The following PLEKHS1 variants were observed in gnomAD, a reference collection of about 807,000 sequenced individuals.
PLEKHS1 encodes pleckstrin homology domain-containing family S member 1.
In PLEKHS1, 55 loss-of-function variants were observed where a neutral mutation model predicts 51.0. The observed-to-expected ratio is 1.08, with a 90% CI of 0.87 to 1.35. The LOEUF is 1.35. PLEKHS1 is among the 40% of genes most tolerant of loss of function. PLEKHS1 has a pLI of 0.00. For missense variants in PLEKHS1, 398 were observed against 423.0 expected (o/e 0.94, Z 0.52); for synonymous variants, 153 against 144.8 (o/e 1.06, Z -0.41).
At chr10:113,757,010 G>A (rs1182451681) in intron 2 of PLEKHS1, among the ~76,000 whole-genome samples, 5 of 141,288 alleles carry the variant, frequency 3.5e-5, no homozygotes, top group Admixed American at 7.9e-5. Context: ...TCTGCCTCCC[G>A]GGTTCAAGCA....
chr10:113,762,420 C>T (rs1432216599), intron 2 of PLEKHS1, among the ~76,000 whole-genome samples: 10 of 116,080 alleles, frequency 8.6e-5, no homozygotes, highest in Non-Finnish European at 1.0e-4. Context: ...CAGGTGGAAG[C>T]TGAGGTAATT....
In PLEKHS1 at chr10:113,770,166, C is replaced by G. The variant is rs140722702; in HGVS notation, c.552+266C>G. 2.7e-4 allele frequency among the ~76,000 whole-genome samples: 41 copies of G among 152,266 alleles called. No homozygotes were observed. The East Asian group carries it at 5.8e-3, about 22-fold the overall frequency. ...GCTAGGGTAAGACCCCTTTGCTAAA[C>G]CAAAACCTAGCTGGCAACTTGCTTC... On this transcript the variant is annotated intron_variant, in intron 7 of 11. Coordinates refer to ENST00000361048, the Ensembl canonical transcript of PLEKHS1.
intron 4 of PLEKHS1, 91 bp from the exon 5 acceptor site, chr10:113,767,254 A>C: frequency 2.0e-6 from 2 of 992,916 alleles, no homozygotes; most frequent in African/African-American, 1.7e-5. Context: ...AGCACATCTA[A>C]AGTTTTATTC....
Position 113,768,800 on chromosome 10 carries a change from T to C in PLEKHS1, c.360-15T>C. The C allele has an allele frequency of 6.2e-7, 1 of 1,608,308 alleles. No individual in the cohort carries two copies. The highest frequency in any genetic ancestry group is 8.5e-7 in the Non-Finnish European group (1 of 1,177,316). On this transcript the variant is annotated splice_polypyrimidine_tract_variant and intron_variant, in intron 5 of 11. Transcript: ENST00000361048. ...TGTTGCCACATGCCAACTGAAAGTT[T>C]ATTCCTGTCAACAGGGAGAAGATTA...
intron 2 of PLEKHS1, among the ~76,000 whole-genome samples, chr10:113,761,186 G>C (rs1843910639): frequency 6.6e-6 from 1 of 152,128 alleles, no homozygotes; most frequent in Admixed American, 6.6e-5. Context: ...GATTATTGTA[G>C]CTTTGTAGTA....
exon 4 of PLEKHS1, chr10:113,766,690 C>T (rs1242669681): frequency 6.2e-7 from 1 of 1,611,602 alleles, no homozygotes. Context: ...TAAAGACCAT[C>T]ATCACCGAGG....
In PLEKHS1 at chr10:113,769,913, A is replaced by G; in HGVS notation, c.552+13A>G. On this transcript the variant is annotated intron_variant, in intron 7 of 11. Coordinates refer to ENST00000361048, the Ensembl canonical transcript of PLEKHS1. ...TCTCCAAGACAAGGTAATGGGGCTC[A>G]CTTCTTTCTCAGGACACCACACCTG... The G allele has an allele frequency of 1.3e-6, 2 of 1,581,662 alleles. No individual in the cohort carries two copies. Among genetic ancestry groups the G allele is most frequent in the Non-Finnish European group, 1.7e-6 (2 of 1,150,566 alleles).
At chr10:113,765,892 G>A (rs917950352) in intron 2 of PLEKHS1, among the ~76,000 whole-genome samples, 4 of 152,150 alleles carry the variant, frequency 2.6e-5, no homozygotes, top group Admixed American at 1.3e-4. Flanking sequence ...TTAAGATTTG[G>A]TAATACAGTA....
At chr10:113,767,519 A>C in intron 5 of PLEKHS1, 40 bp downstream of exon 5, 1 of 1,559,876 alleles carries the variant, frequency 6.4e-7, no homozygotes, top group Non-Finnish European at 8.7e-7. Context: ...TACTGCATGC[A>C]AAACAAAAAC....
At chr10:113,769,000 G>A (rs1844284667) in intron 6 of PLEKHS1, 110 bp downstream of exon 6, 1 of 662,154 alleles carries the variant, frequency 1.5e-6, no homozygotes, top group Non-Finnish European at 2.4e-6. Flanking sequence ...TTAATACAAG[G>A]AATAAATAAA....
intron 2 of PLEKHS1, among the ~76,000 whole-genome samples, chr10:113,760,114 A>C (rs1233359804): frequency 6.6e-6 from 1 of 152,236 alleles, no homozygotes; most frequent in Non-Finnish European, 1.5e-5. Context: ...ATGCAGTATG[A>C]ACACTTTCTG....
rs557043653 is a variant in PLEKHS1, at chr10:113,767,579, G to A, written c.359+100G>A. The A allele has an allele frequency of 2.4e-4, 275 of 1,136,082 alleles. 1 individual carries two copies. The African/African-American group carries it at 3.4e-3, about 14-fold the overall frequency. 70.4% of individuals were successfully genotyped at this position (1,136,082 alleles called of 1,614,324 possible). On this transcript the variant is annotated intron_variant, in intron 5 of 11. Coordinates refer to ENST00000361048, the Ensembl canonical transcript of PLEKHS1. ...ACCAATAAACATGTTCTGAACCCAC[G>A]CTACAAACCTCAAATGCCATCTTGG...
intron 2 of PLEKHS1, among the ~76,000 whole-genome samples, chr10:113,766,149 C>T (rs776013251): frequency 1.1e-4 from 16 of 152,164 alleles, no homozygotes; most frequent in African/African-American, 1.9e-4. Flanking sequence ...AGAGAGCCAA[C>T]GACATACTCT....
At chr10:113,767,574 C>A (rs1053770731) in intron 5 of PLEKHS1, 95 bp downstream of exon 5, 4 of 1,211,834 alleles carry the variant, frequency 3.3e-6, no homozygotes, top group African/African-American at 3.1e-5. Context: ...ATGTTCTGAA[C>A]CCACGCTACA....
intron 7 of PLEKHS1, among the ~76,000 whole-genome samples, chr10:113,770,403 T>C (rs1032327533): frequency 6.6e-6 from 1 of 152,266 alleles, no homozygotes; most frequent in African/African-American, 2.4e-5. Context: ...ACATAAAATA[T>C]AATGTACCTG....
chr10:113,780,649 T>C (rs777933095), exon 12 of PLEKHS1: 1 of 1,613,988 alleles, frequency 6.2e-7, no homozygotes, highest in Non-Finnish European at 8.5e-7. Context: ...AGACATTCCA[T>C]GCTGCATCCT....
At chr10:113,767,304 G>A (rs142162556) in intron 4 of PLEKHS1, 41 bp from the exon 5 acceptor site, 2 of 1,444,320 alleles carry the variant, frequency 1.4e-6, no homozygotes, top group Non-Finnish European at 1.9e-6. Context: ...TTCTATTTCT[G>A]TATTTACCTT....
chr10:113,756,247 C>T (rs918277604), intron 2 of PLEKHS1, among the ~76,000 whole-genome samples: 2 of 152,152 alleles, frequency 1.3e-5, no homozygotes, highest in African/African-American at 4.8e-5. Flanking sequence ...AGGTGGATCA[C>T]TTGAGATCAG....
intron 2 of PLEKHS1, among the ~76,000 whole-genome samples, chr10:113,757,890 A>G (rs1384682896): frequency 6.6e-6 from 1 of 152,266 alleles, no homozygotes; most frequent in African/African-American, 2.4e-5. Flanking sequence ...ATTCCATCTC[A>G]AGAAAACACT....
Sources: gnomAD v4.1 joint callset for allele counts (sites outside exome capture counted in the v4.1 genomes callset) on GRCh38, gnomAD v4.1.1 for gene constraint, MANE v1.5 for transcripts, NCBI Gene and HGNC (gene_info 2026-07-23, HGNC 2026-07-21) for gene names.